PAM: variants seen among roughly 807,000 people sequenced by gnomAD.
PAM encodes peptidylglycine alpha-amidating monooxygenase, also known as peptidyl-glycine alpha-amidating monooxygenase.
A neutral mutation model predicts 122.1 loss-of-function variants in PAM; 72 were observed. The observed-to-expected ratio is 0.59, with a 90% CI of 0.49 to 0.72. The LOEUF (loss-of-function observed/expected upper bound fraction) is 0.72. Among genes scored for constraint, PAM ranks in the 30% least tolerant of loss-of-function variants. PAM has a pLI of 0.00. For missense variants in PAM, 1,106 were observed against 1,183.7 expected (o/e 0.93, Z 0.96); for synonymous variants, 389 against 404.4 (o/e 0.96, Z 0.46).
chr5:102,961,718 T>C (rs1033430283), intron 14 of PAM, among the ~76,000 whole-genome samples: 10 of 151,916 alleles, frequency 6.6e-5, no homozygotes, highest in Non-Finnish European at 8.8e-5. Context: ...TATACATCTA[T>C]AGTTTTGTGT....
chr5:102,929,982 T>C (rs1490237051), intron 7 of PAM, among the ~76,000 whole-genome samples: 1 of 152,098 alleles, frequency 6.6e-6, no homozygotes, highest in Non-Finnish European at 1.5e-5. Context: ...GATTGGACCA[T>C]CCCTGTTTTA....
chr5:102,857,769 T>C (rs567941397), intron 1 of PAM, among the ~76,000 whole-genome samples: 2 of 152,340 alleles, frequency 1.3e-5, no homozygotes, highest in East Asian at 3.9e-4. Flanking sequence ...AGCTAATTTA[T>C]ATAAACTGCT....
chr5:103,022,912 G>A (rs919741001), intron 23 of PAM, among the ~76,000 whole-genome samples: 1 of 152,142 alleles, frequency 6.6e-6, no homozygotes, highest in Non-Finnish European at 1.5e-5. Flanking sequence ...CTTGTGAAGA[G>A]TAGCAATATT....
In PAM at chr5:102,954,694, C is replaced by T. The variant is rs541383412; in HGVS notation, c.905+3874C>T. On this transcript the variant is annotated intron_variant, in intron 12 of 25. Coordinates refer to ENST00000438793, the MANE Select transcript of PAM (RefSeq NM_001177306.2). ...ATTCAGGATGATACTTCTCTAAATT[C>T]GTTTCAAATGTTTAGTCAAGTTTAA... Among the ~76,000 whole-genome samples the T allele has an allele frequency of 4.7e-4, 71 of 152,024 alleles. 1 individual carries two copies. In the South Asian group the frequency reaches 0.014, roughly 30 times the overall value.
At chr5:102,866,841 T>TA (rs1182555245) in intron 2 of PAM, 2 of 154,090 alleles carry the variant, frequency 1.3e-5, no homozygotes, top group Non-Finnish European at 1.4e-5. Flanking sequence ...TGAAAATAGT[T>TA]ACAGAAATTT....
At position 102,926,378 on chromosome 5, in the gene PAM, A is replaced by G. The variant is rs192451523; in HGVS notation, c.443-207A>G. Among the ~76,000 whole-genome samples the G allele has an allele frequency of 1.1e-4, 16 of 152,380 alleles. No homozygotes were observed. The East Asian group carries it at 3.1e-3, about 29-fold the overall frequency. On this transcript the variant is annotated intron_variant, in intron 6 of 25. Transcript: ENST00000438793. ...TTACTCTGGTTCTGAAGTGGGAACT[A>G]TGAGTAGAATTTCATCATAGTTTTG... is the stretch of plus-strand genomic sequence containing the variant.
At chr5:102,770,443 G>C (rs1381976146) in intron 1 of PAM, among the ~76,000 whole-genome samples, 2 of 151,968 alleles carry the variant, frequency 1.3e-5, no homozygotes, top group Admixed American at 1.3e-4. Context: ...TTGTCATAAA[G>C]ATCTTAGAGG....
At chr5:102,900,261 G>GGT (rs1304405920) in intron 3 of PAM, among the ~76,000 whole-genome samples, 2 of 119,512 alleles carry the variant, frequency 1.7e-5, no homozygotes, top group East Asian at 6.0e-4. Flanking sequence ...GTGTGGGGGG[G>GGT]GGGCGGGGGG....
chr5:102,786,701 G>A (rs1347038582), intron 1 of PAM, among the ~76,000 whole-genome samples: 1 of 152,048 alleles, frequency 6.6e-6, no homozygotes, highest in East Asian at 1.9e-4. Flanking sequence ...CAAAGTTGCG[G>A]GTCAGAAAGG....
chr5:102,824,667 G>A (rs991394455), intron 1 of PAM, among the ~76,000 whole-genome samples: 2 of 152,114 alleles, frequency 1.3e-5, no homozygotes, highest in Admixed American at 6.6e-5. Flanking sequence ...TTTTTATGCT[G>A]CCTGCTCAAT....
Position 102,946,864 on chromosome 5 carries a change from C to G in PAM, c.554C>G (p.Ser185Cys). ...RDNNKDCSGV[S>C]LHLTRLPQPL... ...AATAACAAGGACTGTTCTGGTGTGTCCTTACACCTCACACGTCTGCCGTAA... is the reference window on the plus strand; with the variant it reads ...AATAACAAGGACTGTTCTGGTGTGTGCTTACACCTCACACGTCTGCCGTAA... Residue 185 changes from serine (S) to cysteine (C), a missense_variant, in exon 8 of 26, where the codon TCC (serine) becomes TGC (cysteine). Coordinates refer to ENST00000438793, the MANE Select transcript of PAM (RefSeq NM_001177306.2). 1 of 1,601,502 alleles carries G rather than the reference C, an allele frequency of 6.2e-7. No individual in the cohort carries two copies. The highest frequency in any genetic ancestry group is 1.3e-5 in the African/African-American group (1 of 74,758).
intron 1 of PAM, among the ~76,000 whole-genome samples, chr5:102,824,440 G>A (rs1772996138): frequency 6.6e-6 from 1 of 152,160 alleles, no homozygotes; most frequent in South Asian, 2.1e-4. Context: ...GATAGTCACT[G>A]GGATAGTCAT....
intron 16 of PAM, among the ~76,000 whole-genome samples, chr5:102,998,504 T>C (rs190531824): frequency 2.0e-5 from 3 of 152,310 alleles, no homozygotes; most frequent in African/African-American, 4.8e-5. Context: ...GAATTATGAA[T>C]TGGAATTATG....
intron 3 of PAM, among the ~76,000 whole-genome samples, 195 bp from the exon 4 acceptor site, chr5:102,901,161 A>G (rs949190646): frequency 2.0e-5 from 3 of 151,564 alleles, no homozygotes; most frequent in African/African-American, 7.3e-5. Context: ...GTTGTTTAGG[A>G]AAGAGTCTTA....
chr5:102,885,731 C>T (rs1358425148), intron 3 of PAM, among the ~76,000 whole-genome samples: 1 of 151,984 alleles, frequency 6.6e-6, no homozygotes, highest in African/African-American at 2.4e-5. Context: ...TTTAACTCTG[C>T]CAGAGGTGAA....
chr5:102,866,132 C>T lies in PAM; in HGVS notation c.-64C>T. 2.5e-6 allele frequency: 3 copies of T among 1,189,446 alleles called. No homozygotes were observed. Among genetic ancestry groups the T allele is most frequent in the East Asian group, 2.5e-5 (1 of 40,752 alleles). 73.7% of individuals were successfully genotyped at this position (1,189,446 alleles called of 1,614,324 possible). A position where few individuals can be genotyped will look rare whatever the true frequency, so the allele number is the denominator to read the frequency against. On this transcript the variant is annotated 5_prime_UTR_variant, in exon 2 of 26. Coordinates refer to ENST00000438793, the MANE Select transcript of PAM (RefSeq NM_001177306.2). ...GCTGCTGGCGGCGCCGCTGCCCAACCGCCAGCCCCAGCCCCGCGCTGCGCT... is the reference window on the plus strand; with the variant it reads ...GCTGCTGGCGGCGCCGCTGCCCAACTGCCAGCCCCAGCCCCGCGCTGCGCT...
At position 103,025,326 on chromosome 5, in the gene PAM, C is replaced by G; in HGVS notation, c.2681C>G (p.Ala894Gly). The G allele has an allele frequency of 6.2e-7, 1 of 1,613,118 alleles. No individual in the cohort carries two copies. Among genetic ancestry groups the G allele is most frequent in the Non-Finnish European group, 8.5e-7 (1 of 1,179,290 alleles). The change falls in exon 24 of 26, where the codon GCC becomes GGC. Residue 894 changes from alanine to glycine, a missense_variant. By Grantham distance (60) the Ala-to-Gly change is moderately conservative (BLOSUM62 0). Around this residue, in one of 3 missense-constraint regions of PAM, gnomAD observed 333 missense variants for 335.6 expected, o/e 0.99. Coordinates refer to ENST00000438793, the MANE Select transcript of PAM (RefSeq NM_001177306.2). Reference protein sequence around the residue: ...AIFIRWKKSRAFGDSEHKLET... With the variant: ...AIFIRWKKSRGFGDSEHKLET... ...TTTATTCGGTGGAAAAAATCAAGGG[C>G]CTTTGGAGGCAAGTAAAATGAGCCC...
chr5:102,930,762 T>C (rs1473504989), intron 7 of PAM, among the ~76,000 whole-genome samples: 1 of 152,192 alleles, frequency 6.6e-6, no homozygotes, highest in East Asian at 1.9e-4. Flanking sequence ...AGTATGGGGC[T>C]GTAGGTGGCC....
chr5:102,816,377 AG>A (rs1271872536), intron 1 of PAM, among the ~76,000 whole-genome samples: 3 of 152,178 alleles, frequency 2.0e-5, no homozygotes, highest in Non-Finnish European at 2.9e-5. Flanking sequence ...ATGAGAACAC[AG>A]GACTGTGATG....
Sources: gnomAD v4.1 joint callset for allele counts (sites outside exome capture counted in the v4.1 genomes callset) on GRCh38, gnomAD v4.1.1 for gene constraint, gnomAD v4.1.1 regional missense constraint, MANE v1.5 for transcripts, NCBI Gene and HGNC (gene_info 2026-07-23, HGNC 2026-07-21) for gene names.